PRR7: variants seen among roughly 807,000 people sequenced by gnomAD.
PRR7 encodes proline rich 7, synaptic, also known as proline-rich protein 7.
A neutral mutation model predicts 18.5 loss-of-function variants in PRR7; 8 were observed. The ratio of observed to expected loss-of-function variants is 0.43; its 90% CI spans 0.25 to 0.78. PRR7 has a LOEUF of 0.78. Among genes scored for constraint, PRR7 ranks in the 30% least tolerant of loss-of-function variants. The probability of loss-of-function intolerance (pLI) is 0.22; values close to 1 mark genes in which losing one functional copy is unlikely to be tolerated. For synonymous variants in PRR7, 221 were observed against 187.7 expected (o/e 1.18, Z -1.45); for missense variants, 396 against 403.1 (o/e 0.98, Z 0.15).
At chr5:177,448,086 C>T (rs1755986397) in intron 1 of PRR7, among the ~76,000 whole-genome samples, 2 of 152,236 alleles carry the variant, frequency 1.3e-5, no homozygotes, top group South Asian at 4.1e-4. Flanking sequence ...CTCCTGCCAG[C>T]TCTCCCAGGC....
In PRR7 at chr5:177,455,379, C is replaced by T. The variant is rs1046821274; in HGVS notation, c.312C>T (p.His104=). The part of the protein sequence containing the change: ...PHVHVHPLLH[H]GPAQPHAHAH... ...TGCACGTGCACCCGCTGCTGCACCACGGGCCCGCGCAGCCGCACGCGCACG... is the reference window on the plus strand; with the variant it reads ...TGCACGTGCACCCGCTGCTGCACCATGGGCCCGCGCAGCCGCACGCGCACG... The change falls in exon 3 of 4, where the codon CAC becomes CAT. Residue 104 remains histidine (H), a synonymous_variant. Transcript: ENST00000323249. The surrounding 1 kb of genome is among the most constrained non-coding windows in gnomAD (Gnocchi z 6.9). 1.3e-6 allele frequency: 2 copies of T among 1,494,330 alleles called. No individual in the cohort carries two copies. Among genetic ancestry groups the T allele is most frequent in the Non-Finnish European group, 1.8e-6 (2 of 1,128,378 alleles). 92.6% of individuals were successfully genotyped at this position (1,494,330 alleles called of 1,614,324 possible).
rs1476795677 is a variant in PRR7 at position 177,455,348 on chromosome 5, CGCACGT to C, written c.292_297del (p.Val98_His99del). On this transcript the variant is annotated inframe_deletion, in exon 3 of 4. Transcript: ENST00000323249. This position sits in a 1 kb window ranked among gnomAD's most constrained non-coding sequence, Gnocchi z 6.9. ...GCGCCGGCTCACGCGCACTCGCATC[CGCACGT>C]GCACGTGCACCCGCTGCTGCACCAC... The C allele has an allele frequency of 1.3e-6, 2 of 1,491,660 alleles. No individual in the cohort carries two copies. Among genetic ancestry groups the C allele is most frequent in the Admixed American group, 2.2e-5 (1 of 44,556 alleles). The allele number at this position is 1,491,660 out of a possible 1,614,324, so 92.4% of individuals were successfully genotyped here.
Position 177,455,207 on chromosome 5 carries a change from G to A in PRR7, c.140G>A (p.Arg47His). The A allele has an allele frequency of 6.4e-7, 1 of 1,571,148 alleles. No homozygotes were observed. Among genetic ancestry groups the A allele is most frequent in the Middle Eastern group, 1.7e-4 (1 of 5,968 alleles). ...RLKRRQEERL[R>H]EQNLRALELE... ...AAACGGCGCCAGGAGGAGCGACTGC[G>A]CGAGCAGAACCTGCGCGCCCTAGAG... The change falls in exon 3 of 4, where the codon CGC (arginine) becomes CAC (histidine). Residue 47 changes from arginine (R) to histidine (H), a missense_variant. By Grantham distance (29) the Arg-to-His change is conservative. Around this residue, in one of 2 missense-constraint regions of PRR7, gnomAD observed 383 missense variants for 372.6 expected, o/e 1.03. Coordinates refer to ENST00000323249, the MANE Select transcript of PRR7 (RefSeq NM_030567.5). The surrounding 1 kb of genome is among the most constrained non-coding windows in gnomAD (Gnocchi z 6.9).
In PRR7 at chr5:177,456,093, C is replaced by A; in HGVS notation, c.797C>A (p.Pro266His). 1 of 1,556,028 alleles carries A rather than the reference C, an allele frequency of 6.4e-7. No individual in the cohort carries two copies. The highest frequency in any genetic ancestry group is 1.2e-5 in the South Asian group (1 of 84,844). The change falls in exon 4 of 4, where the codon CCC (proline) becomes CAC (histidine). Residue 266 changes from proline to histidine, a missense_variant. This residue lies in a region of PRR7 where 383 missense variants were observed against 372.6 expected (regional missense o/e 1.03). Transcript: ENST00000323249. Reference protein sequence around the residue: ...HGAWRLPVSIPLFGRTTAV With the variant: ...HGAWRLPVSIHLFGRTTAV ...GCTTGGCGTCTGCCGGTCTCCATCC[C>A]CTTGTTCGGGAGGACTACAGCCGTA... is the stretch of plus-strand genomic sequence containing the variant.
chr5:177,455,257 A>T lies in PRR7; in HGVS notation c.190A>T (p.Ser64Cys). Residue 64 changes from serine (S) to cysteine (C), a missense_variant, in exon 3 of 4, where the codon AGT becomes TGT. Coordinates refer to ENST00000323249, the MANE Select transcript of PRR7 (RefSeq NM_030567.5). This position sits in a 1 kb window ranked among gnomAD's most constrained non-coding sequence, Gnocchi z 6.9. ...LELEPLELEG[S>C]LAGSPPGLAP... ...GCTGGAGCCCCTCGAACTCGAGGGC[A>T]GTCTGGCCGGGAGCCCCCCGGGCCT... The T allele has an allele frequency of 6.5e-7, 1 of 1,540,196 alleles. No individual in the cohort carries two copies. The highest frequency in any genetic ancestry group is 8.7e-7 in the Non-Finnish European group (1 of 1,152,136).
chr5:177,454,208 A>G lies in PRR7; in HGVS notation c.-240+168A>G, dbSNP rs1756284402. ...GGCAGGGCGCCTGGAGGAAAGGAAGAGAGTGTGGCCCACGCCCGGCGCGGC... is the reference window on the plus strand; with the variant it reads ...GGCAGGGCGCCTGGAGGAAAGGAAGGGAGTGTGGCCCACGCCCGGCGCGGC... On this transcript the variant is annotated intron_variant, in intron 2 of 3. Coordinates refer to ENST00000323249, the MANE Select transcript of PRR7 (RefSeq NM_030567.5). The surrounding 1 kb of genome is among the most constrained non-coding windows in gnomAD (Gnocchi z 4.7). Among the ~76,000 whole-genome samples the G allele has an allele frequency of 1.3e-5, 2 of 152,196 alleles. No individual in the cohort carries two copies. The highest frequency in any genetic ancestry group is 2.1e-4 in the South Asian group (1 of 4,832).
At position 177,453,950 on chromosome 5, in the gene PRR7, T is replaced by C. The variant is rs548477409; in HGVS notation, c.-324-6T>C. The C allele has an allele frequency of 6.6e-6, 1 of 152,416 alleles. No homozygotes were observed. Among genetic ancestry groups the C allele is most frequent in the East Asian group, 1.9e-4 (1 of 5,194 alleles). The allele number at this position is 152,416 out of a possible 1,614,324, so 9.4% of individuals were successfully genotyped here. A position where few individuals can be genotyped will look rare whatever the true frequency, so the allele number is the denominator to read the frequency against. On this transcript the variant is annotated splice_polypyrimidine_tract_variant and splice_region_variant and intron_variant, in intron 1 of 3. Coordinates refer to ENST00000323249, the MANE Select transcript of PRR7 (RefSeq NM_030567.5). The stretch of plus-strand genomic sequence containing the variant: ...GAGTCAGGGCTCCCTCCTACCTCCC[T>C]CTTAGGGTGCAAGGTTCCCCCTCTC...
Position 177,456,100 on chromosome 5 carries a change from C to G in PRR7, c.804C>G (p.Phe268Leu). The G allele has an allele frequency of 6.7e-7, 1 of 1,501,736 alleles. No individual in the cohort carries two copies. The highest frequency in any genetic ancestry group is 8.9e-7 in the Non-Finnish European group (1 of 1,128,510). 93.0% of individuals were successfully genotyped at this position (1,501,736 alleles called of 1,614,324 possible). A position where few individuals can be genotyped will look rare whatever the true frequency, so the allele number is the denominator to read the frequency against. The change falls in exon 4 of 4, where the codon TTC (phenylalanine) becomes TTG (leucine). Residue 268 changes from phenylalanine to leucine, a missense_variant. Physicochemically the swap from Phe to Leu is conservative, Grantham distance 22. Coordinates refer to ENST00000323249, the MANE Select transcript of PRR7 (RefSeq NM_030567.5). ...GTCTGCCGGTCTCCATCCCCTTGTT[C>G]GGGAGGACTACAGCCGTATAGAGGG... ...AWRLPVSIPLFGRTTAV is the reference protein window; with the variant it reads ...AWRLPVSIPLLGRTTAV
Position 177,455,573 on chromosome 5 carries a change from A to G in PRR7, c.427+79A>G, listed in dbSNP as rs1456666477. 3.5e-6 allele frequency: 5 copies of G among 1,416,216 alleles called. No homozygotes were observed. The highest frequency in any genetic ancestry group is 3.7e-6 in the Non-Finnish European group (4 of 1,092,016). The allele number at this position is 1,416,216 out of a possible 1,614,324, so 87.7% of individuals were successfully genotyped here. The stretch of plus-strand genomic sequence containing the variant: ...GTTGGAGGGCTCGCTGCTTACCCTC[A>G]GGGCTTCCATCCGCAGCCTCCGGGA... On this transcript the variant is annotated intron_variant, in intron 3 of 3. Transcript: ENST00000323249. This position sits in a 1 kb window ranked among gnomAD's most constrained non-coding sequence, Gnocchi z 6.9.
At chr5:177,448,992 A>C (rs1290998107) in intron 1 of PRR7, among the ~76,000 whole-genome samples, 3 of 152,244 alleles carry the variant, frequency 2.0e-5, no homozygotes, top group Non-Finnish European at 4.4e-5. Flanking sequence ...GGAATGAGTG[A>C]GGCGGGCCAG....
chr5:177,456,011 G>T lies in PRR7; in HGVS notation c.715G>T (p.Val239Phe). ...CCTGCAGGCCGACCGTGGCCGCCGGGTCTTCCCCAGCTGGACCGACTCAGA... is the reference window on the plus strand; with the variant it reads ...CCTGCAGGCCGACCGTGGCCGCCGGTTCTTCCCCAGCTGGACCGACTCAGA... ...LCLQADRGRRVFPSWTDSELS... is the reference protein window; with the variant it reads ...LCLQADRGRRFFPSWTDSELS... Residue 239 changes from valine to phenylalanine, a missense_variant, in exon 4 of 4, where the codon GTC (valine) becomes TTC (phenylalanine). Physicochemically the swap from Val to Phe is conservative, Grantham distance 50. This residue lies in a region of PRR7 where 383 missense variants were observed against 372.6 expected (regional missense o/e 1.03). Coordinates refer to ENST00000323249, the MANE Select transcript of PRR7 (RefSeq NM_030567.5). 1 of 1,580,932 alleles carries T rather than the reference G, an allele frequency of 6.3e-7. No individual in the cohort carries two copies.
At chr5:177,448,666 C>G (rs1756033211) in intron 1 of PRR7, among the ~76,000 whole-genome samples, 1 of 152,232 alleles carries the variant, frequency 6.6e-6, no homozygotes, top group South Asian at 2.1e-4. Context: ...TTTCCTTCTT[C>G]CAGCTAAATC....
At position 177,455,749 on chromosome 5, in the gene PRR7, G is replaced by T. The variant is rs775312472; in HGVS notation, c.453G>T (p.Pro151=). The change falls in exon 4 of 4, where the codon CCG becomes CCT. Residue 151 remains proline, a synonymous_variant. Coordinates refer to ENST00000323249, the MANE Select transcript of PRR7 (RefSeq NM_030567.5). The surrounding 1 kb of genome is among the most constrained non-coding windows in gnomAD (Gnocchi z 6.9). ...CGGAATCGGACATGTCCAAACCACC[G>T]TGTTACGAAGAGGCGGTGCTGATGG... The part of the protein sequence containing the change: ...RQAESDMSKP[P]CYEEAVLMAE... The T allele has an allele frequency of 1.2e-6, 2 of 1,606,932 alleles. No individual in the cohort carries two copies. Among genetic ancestry groups the T allele is most frequent in the Non-Finnish European group, 1.7e-6 (2 of 1,176,758 alleles).
chr5:177,453,605 G>A (rs754234809), intron 1 of PRR7, among the ~76,000 whole-genome samples: 1 of 152,138 alleles, frequency 6.6e-6, no homozygotes, highest in Non-Finnish European at 1.5e-5. Flanking sequence ...TGTGGCTCTC[G>A]AAGCAGTGTG....
chr5:177,449,076 G>C lies in PRR7; in HGVS notation c.-325+2116G>C, dbSNP rs1756057702. Among the ~76,000 whole-genome samples, 1 of 152,262 alleles carries C rather than the reference G, an allele frequency of 6.6e-6. No homozygotes were observed. Among genetic ancestry groups the C allele is most frequent in the African/African-American group, 2.4e-5 (1 of 41,462 alleles). ...TATGACCTGACTGTCCAATTTTCAA[G>C]ATGAACCAGAAATCCAGACCTTTAT... On this transcript the variant is annotated intron_variant, in intron 1 of 3. Transcript: ENST00000323249. This position sits in a 1 kb window ranked among gnomAD's most constrained non-coding sequence, Gnocchi z 4.2.
At position 177,455,441 on chromosome 5, in the gene PRR7, C is replaced by G; in HGVS notation, c.374C>G (p.Pro125Arg). 1 of 1,505,970 alleles carries G rather than the reference C, an allele frequency of 6.6e-7. No homozygotes were observed. The highest frequency in any genetic ancestry group is 8.8e-7 in the Non-Finnish European group (1 of 1,134,914). The allele number at this position is 1,505,970 out of a possible 1,614,324, so 93.3% of individuals were successfully genotyped here. A position where few individuals can be genotyped will look rare whatever the true frequency, so the allele number is the denominator to read the frequency against. The stretch of plus-strand genomic sequence containing the variant: ...CCGCACCACCACGCGCTCCCGCACC[C>G]GCCGCCTACGCACCTGTCGGTGCCG... ...PHPHHHALPHPPPTHLSVPPR... is the reference protein window; with the variant it reads ...PHPHHHALPHRPPTHLSVPPR... Residue 125 changes from proline (P) to arginine (R), a missense_variant, in exon 3 of 4, where the codon CCG (proline) becomes CGG (arginine). By Grantham distance (103) the Pro-to-Arg change is moderately radical. Coordinates refer to ENST00000323249, the MANE Select transcript of PRR7 (RefSeq NM_030567.5). This position sits in a 1 kb window ranked among gnomAD's most constrained non-coding sequence, Gnocchi z 6.9.
Position 177,455,935 on chromosome 5 carries a change from G to C in PRR7, c.639G>C (p.Ala213=). The stretch of plus-strand genomic sequence containing the variant: ...TCCTGGACCGGGGCTACACCTCGGC[G>C]CTGCACCTGCCCAGCGCCCCTCGGC... ...PLFLDRGYTS[A]LHLPSAPRPA... is the part of the protein sequence containing the mutation. The change falls in exon 4 of 4, where the codon GCG becomes GCC. Residue 213 remains alanine (A), a synonymous_variant. Coordinates refer to ENST00000323249, the MANE Select transcript of PRR7 (RefSeq NM_030567.5). This position sits in a 1 kb window ranked among gnomAD's most constrained non-coding sequence, Gnocchi z 6.9. 1.2e-6 allele frequency: 2 copies of C among 1,602,674 alleles called. No individual in the cohort carries two copies. Among genetic ancestry groups the C allele is most frequent in the Non-Finnish European group, 1.7e-6 (2 of 1,177,302 alleles).
intron 1 of PRR7, among the ~76,000 whole-genome samples, chr5:177,448,628 T>C (rs974659868): frequency 2.6e-5 from 4 of 152,248 alleles, no homozygotes; most frequent in African/African-American, 9.6e-5. Flanking sequence ...AGTGAGGACA[T>C]TCCCTGTCTT....
At chr5:177,451,190 G>C (rs1245228263) in intron 1 of PRR7, among the ~76,000 whole-genome samples, 1 of 152,250 alleles carries the variant, frequency 6.6e-6, no homozygotes, top group Non-Finnish European at 1.5e-5. Context: ...CTGTAAGGCT[G>C]AAGTGTGCAC....
Sources: gnomAD v4.1 joint callset for allele counts (sites outside exome capture counted in the v4.1 genomes callset) on GRCh38, gnomAD v4.1.1 for gene constraint, gnomAD v4.1.1 regional missense constraint, Gnocchi (gnomAD v3.1) non-coding constraint, MANE v1.5 for transcripts, NCBI Gene and HGNC (gene_info 2026-07-23, HGNC 2026-07-21) for gene names.